The following NMRAL1 variants were observed in gnomAD, a reference collection of about 807,000 sequenced individuals.
NMRAL1 encodes the protein nmrA-like family domain-containing protein 1.
A neutral mutation model predicts 27.5 loss-of-function variants in NMRAL1; 32 were observed. That is an observed-to-expected ratio of 1.16 (90% CI 0.88 to 1.56). The LOEUF (loss-of-function observed/expected upper bound fraction) is 1.56. NMRAL1 is among the 40% of genes most tolerant of loss of function. The pLI is 0.00. For missense variants in NMRAL1, 420 were observed against 392.0 expected, an observed-to-expected ratio of 1.07 and a Z score of -0.60; for synonymous variants, 166 against 166.8, an observed-to-expected ratio of 1.00 and a Z score of 0.04.
chr16:4,465,244 A>G (rs1339540633), intron 4 of NMRAL1, among the ~76,000 whole-genome samples: 2 of 152,138 alleles, frequency 1.3e-5, no homozygotes, highest in East Asian at 3.9e-4. Flanking sequence ...GGTGGTACCA[A>G]AGGGCTACTG....
At chr16:4,472,808 T>G (rs999908886) in intron 2 of NMRAL1, among the ~76,000 whole-genome samples, 1 of 149,594 alleles carries the variant, frequency 6.7e-6, no homozygotes, top group South Asian at 2.1e-4. Flanking sequence ...CTTGAAAACA[T>G]GCTAACTGAA....
Position 4,469,305 on chromosome 16 carries a change from C to G in NMRAL1, c.201G>C (p.Leu67=), listed in dbSNP as rs1320850164. The change falls in exon 3 of 6, where the codon CTG becomes CTC. Residue 67 remains leucine (L), a synonymous_variant. Coordinates refer to ENST00000283429, the MANE Select transcript of NMRAL1 (RefSeq NM_020677.6). ...GDQDDQVIME[L]ALNGAYATFI... ...AGGTGGCGTAAGCCCCATTCAGGGCCAGCTCCATGATGACCTGGTCATCTT... is the reference window on the plus strand; with the variant it reads ...AGGTGGCGTAAGCCCCATTCAGGGCGAGCTCCATGATGACCTGGTCATCTT... The G allele has an allele frequency of 2.1e-5, 34 of 1,614,060 alleles. No individual in the cohort carries two copies. In the Admixed American group the frequency reaches 5.7e-4, roughly 27 times the overall value.
At chr16:4,463,119 T>G (rs1044136606) in intron 5 of NMRAL1, among the ~76,000 whole-genome samples, 1 of 152,164 alleles carries the variant, frequency 6.6e-6, no homozygotes, top group Non-Finnish European at 1.5e-5. Context: ...CCTCCCAAAG[T>G]GCTGGGATTA....
Position 4,466,413 on chromosome 16 carries a change from G to C in NMRAL1, c.280-11C>G, listed in dbSNP as rs1307562564. The C allele has an allele frequency of 1.2e-6, 2 of 1,608,998 alleles. No homozygotes were observed. The highest frequency in any genetic ancestry group is 2.7e-5 in the African/African-American group (2 of 74,906). On this transcript the variant is annotated splice_polypyrimidine_tract_variant and intron_variant, in intron 3 of 5. Transcript: ENST00000283429. ...AGCGAGCAGCTTCCCCTGGAGGGCA[G>C]GGAAGGAGAGATCACAAGGCTCAGA...
At chr16:4,473,855 G>A (rs1255511286) in intron 2 of NMRAL1, among the ~76,000 whole-genome samples, 1 of 152,112 alleles carries the variant, frequency 6.6e-6, no homozygotes, top group Non-Finnish European at 1.5e-5. Flanking sequence ...CAACCCGGGA[G>A]GCAAAGGTTG....
At position 4,463,699 on chromosome 16, in the gene NMRAL1, C is replaced by T. The variant is rs924520374; in HGVS notation, c.681G>A (p.Leu227=). The T allele has an allele frequency of 1.2e-6, 2 of 1,613,890 alleles. No individual in the cohort carries two copies. The highest frequency in any genetic ancestry group is 2.7e-5 in the African/African-American group (2 of 74,930). The change falls in exon 5 of 6, where the codon CTG becomes CTA. Residue 227 remains leucine, a synonymous_variant. Transcript: ENST00000283429. ...CGACCTTGCGGGTGTGCTTGGTGAG[C>T]AGGGCAGCGTACTCCTCGGCCGTGT... is the stretch of plus-strand genomic sequence containing the variant. ...CRHTAEEYAA[L]LTKHTRKVVH...
At chr16:4,469,600 AT>A (rs766852137) in intron 2 of NMRAL1, 135 bp from the exon 3 acceptor site, 2 of 1,502,118 alleles carry the variant, frequency 1.3e-6, no homozygotes, top group Non-Finnish European at 1.8e-6. Context: ...TCATTCAGGT[AT>A]TTTTATTTTC....
At chr16:4,465,795 A>C (rs2057299201) in intron 4 of NMRAL1, among the ~76,000 whole-genome samples, 1 of 151,956 alleles carries the variant, frequency 6.6e-6, no homozygotes, top group East Asian at 1.9e-4. Flanking sequence ...TCCCCGCCTC[A>C]GCCTCCCAAA....
chr16:4,462,954 A>G (rs1027833071), intron 5 of NMRAL1, among the ~76,000 whole-genome samples: 1 of 151,628 alleles, frequency 6.6e-6, no homozygotes. Context: ...TCCTGAGTTC[A>G]AGCGATTCTC....
At chr16:4,476,326 T>C (rs956612803), upstream of NMRAL1, 1 of 152,294 alleles carries the variant, frequency 6.6e-6, no homozygotes, top group Non-Finnish European at 1.5e-5. Context: ...GCGTGTCAGC[T>C]ACAAGGGGCG....
chr16:4,474,327 C>A, intron 1 of NMRAL1, 161 bp from the exon 2 acceptor site: 1 of 576,436 alleles, frequency 1.7e-6, no homozygotes, highest in Admixed American at 2.9e-5. Flanking sequence ...TCCCGCGACC[C>A]ACCTCGTGTC....
chr16:4,472,386 G>T (rs143833894), intron 2 of NMRAL1, among the ~76,000 whole-genome samples: 1 of 152,114 alleles, frequency 6.6e-6, no homozygotes, highest in Non-Finnish European at 1.5e-5. Flanking sequence ...AGGTTGCAGC[G>T]AGCAGAGATC....
At chr16:4,465,292 C>T (rs1029098259) in intron 4 of NMRAL1, among the ~76,000 whole-genome samples, 1 of 152,144 alleles carries the variant, frequency 6.6e-6, no homozygotes, top group African/African-American at 2.4e-5. Context: ...AGCAGGACTC[C>T]CATGGGCTGG....
In NMRAL1 at chr16:4,461,926, G is replaced by A. The variant is rs752472708; in HGVS notation, c.754C>T (p.Pro252Ser). The stretch of plus-strand genomic sequence containing the variant: ...ATGTTGGCCAGGTCCCGGGCACCGG[G>A]AAAGCCAAGCTTTTCGTAGTCCTCA... Reference protein sequence around the residue: ...TPEDYEKLGFPGARDLANMFR... With the variant: ...TPEDYEKLGFSGARDLANMFR... The change falls in exon 6 of 6, where the codon CCC (proline) becomes TCC (serine). Residue 252 changes from proline (P) to serine (S), a missense_variant. Physicochemically the swap from Pro to Ser is moderately conservative, Grantham distance 74. Coordinates refer to ENST00000283429, the MANE Select transcript of NMRAL1 (RefSeq NM_020677.6). 1.2e-6 allele frequency: 2 copies of A among 1,613,976 alleles called. No individual in the cohort carries two copies. Among genetic ancestry groups the A allele is most frequent in the African/African-American group, 1.3e-5 (1 of 74,936 alleles).
At chr16:4,466,907 T>G (rs1285106361) in intron 3 of NMRAL1, 1 of 160,960 alleles carries the variant, frequency 6.2e-6, no homozygotes, top group Non-Finnish European at 1.4e-5. Context: ...ACCTACTGCA[T>G]GAGGTGACGC....
At position 4,467,962 on chromosome 16, in the gene NMRAL1, G is replaced by C. The variant is rs572766707; in HGVS notation, c.279+1265C>G. 7.2e-5 allele frequency among the ~76,000 whole-genome samples: 11 copies of C among 151,950 alleles called. No homozygotes were observed. The East Asian group carries it at 7.8e-4, about 11-fold the overall frequency. ...GCCACGTGGATTGTGGTCCTTTTTC[G>C]TGACAGTACCAGGAAGCCCACAGGG... On this transcript the variant is annotated intron_variant, in intron 3 of 5. Transcript: ENST00000283429.
At chr16:4,470,669 C>T (rs1432235971) in intron 2 of NMRAL1, among the ~76,000 whole-genome samples, 2 of 151,738 alleles carry the variant, frequency 1.3e-5, no homozygotes, top group East Asian at 1.9e-4. Flanking sequence ...AAAATGAGGC[C>T]GGGTGCAGTA....
intron 2 of NMRAL1, chr16:4,471,478 G>T (rs1313110225): frequency 2.0e-5 from 3 of 151,684 alleles, no homozygotes; most frequent in Non-Finnish European, 4.4e-5. Flanking sequence ...AATTAGCTGG[G>T]CGTGGTGGCA....
At chr16:4,471,063 G>A (rs1181178344) in intron 2 of NMRAL1, among the ~76,000 whole-genome samples, 1 of 151,010 alleles carries the variant, frequency 6.6e-6, no homozygotes, top group Non-Finnish European at 1.5e-5. Flanking sequence ...GCCGAGATTG[G>A]GCCACTGCAC....
Sources: allele counts gnomAD v4.1 joint callset (sites outside exome capture counted in the v4.1 genomes callset), GRCh38; gene constraint gnomAD v4.1.1; transcripts MANE v1.5; gene names NCBI Gene and HGNC (gene_info 2026-07-23, HGNC 2026-07-21).